ANKRD13C: variants seen among roughly 807,000 people sequenced by gnomAD.
ANKRD13C encodes ankyrin repeat domain-containing protein 13C.
A neutral mutation model predicts 65.5 loss-of-function variants in ANKRD13C; 16 were observed. The observed-to-expected ratio is 0.24, with a 90% confidence interval of 0.17 to 0.37. ANKRD13C has a LOEUF of 0.37. ANKRD13C is among the 10% of genes least tolerant of loss of function. The probability of loss-of-function intolerance (pLI) is 1.00; values close to 1 mark genes in which losing one functional copy is unlikely to be tolerated. For missense variants in ANKRD13C, 503 were observed against 655.9 expected, an observed-to-expected ratio of 0.77 and a Z score of 2.55; for synonymous variants, 235 against 238.7, an observed-to-expected ratio of 0.98 and a Z score of 0.14.
At chr1:70,335,822 GA>G (rs1682000714) in intron 2 of ANKRD13C, among the ~76,000 whole-genome samples, 3 of 150,540 alleles carry the variant, frequency 2.0e-5, no homozygotes, top group Admixed American at 6.6e-5. Flanking sequence ...CAAGTAAGGG[GA>G]AAAAAAACAT....
At chr1:70,266,249 T>G (rs1678626618) in intron 12 of ANKRD13C, among the ~76,000 whole-genome samples, 1 of 152,208 alleles carries the variant, frequency 6.6e-6, no homozygotes, top group South Asian at 2.1e-4. Context: ...ATCTAATTTT[T>G]GGGATTGGCT....
intron 1 of ANKRD13C, among the ~76,000 whole-genome samples, chr1:70,337,331 C>G (rs771783204): frequency 6.6e-6 from 1 of 152,182 alleles, no homozygotes; most frequent in Non-Finnish European, 1.5e-5. Context: ...CCTGTAATCC[C>G]AGCACTTTGG....
rs550654764 is a variant in ANKRD13C, at chr1:70,346,034, G to A, written c.430+7945C>T. On this transcript the variant is annotated intron_variant, in intron 1 of 12. Coordinates refer to ENST00000370944, the MANE Select transcript of ANKRD13C (RefSeq NM_030816.5). ...TTTAATAGAGACAGGGTCTCACTAT[G>A]TTGACCAGGGTGGTCTCGAACTCCT... 1.3e-4 allele frequency among the ~76,000 whole-genome samples: 20 copies of A among 151,528 alleles called. No homozygotes were observed. The East Asian group carries it at 3.9e-3, about 29-fold the overall frequency.
intron 1 of ANKRD13C, among the ~76,000 whole-genome samples, chr1:70,346,621 T>C (rs1160838393): frequency 6.6e-6 from 1 of 152,052 alleles, no homozygotes; most frequent in Non-Finnish European, 1.5e-5. Context: ...ATTTCTGCAT[T>C]CTCTCTCAAA....
At chr1:70,296,336 A>T in intron 7 of ANKRD13C, 75 bp from the exon 8 acceptor site, 1 of 1,416,522 alleles carries the variant, frequency 7.1e-7, no homozygotes, top group East Asian at 2.3e-5. Flanking sequence ...TGAAAATATC[A>T]ACAATTATAA....
At chr1:70,300,964 A>G in intron 6 of ANKRD13C, 56 bp from the exon 7 acceptor site, 1 of 1,539,692 alleles carries the variant, frequency 6.5e-7, no homozygotes. Context: ...ATAAAACTTC[A>G]CTAATAATTA....
intron 12 of ANKRD13C, among the ~76,000 whole-genome samples, chr1:70,268,170 T>C (rs1204547530): frequency 6.7e-6 from 1 of 150,154 alleles, no homozygotes; most frequent in African/African-American, 2.5e-5. Context: ...TACAGCTAGC[T>C]TCCCCGCCCC....
At chr1:70,309,836 GC>G (rs1329032941) in intron 5 of ANKRD13C, among the ~76,000 whole-genome samples, 5 of 151,708 alleles carry the variant, frequency 3.3e-5, no homozygotes, top group African/African-American at 1.2e-4. Flanking sequence ...GTTAAAACGT[GC>G]TATATGCATA....
chr1:70,354,195 G>T lies in ANKRD13C; in HGVS notation c.214C>A (p.Pro72Thr). 6.2e-7 allele frequency: 1 copy of T among 1,613,884 alleles called. No individual in the cohort carries two copies. Among genetic ancestry groups the T allele is most frequent in the Non-Finnish European group, 8.5e-7 (1 of 1,180,032 alleles). ...AGCGGCAGAGCCGGGGCGCCGGGGG[G>T]ATTGGAGGAGGCCGGAGCTGCCTTC... ...QLKAAPASSNPPGAPALPLHN... is the reference protein window; with the variant it reads ...QLKAAPASSNTPGAPALPLHN... The change falls in exon 1 of 13, where the codon CCC (proline) becomes ACC (threonine). Residue 72 changes from proline (P) to threonine (T), a missense_variant. Physicochemically the swap from Pro to Thr is conservative, Grantham distance 38. Coordinates refer to ENST00000370944, the MANE Select transcript of ANKRD13C (RefSeq NM_030816.5).
rs772962163 is a variant in ANKRD13C at position 70,324,889 on chromosome 1, G to A, written c.541C>T (p.Leu181=). Residue 181 remains leucine (L), a synonymous_variant, in exon 3 of 13, where the codon CTG becomes TTG. Coordinates refer to ENST00000370944, the MANE Select transcript of ANKRD13C (RefSeq NM_030816.5). ...KVKNAQGWSP[L]AEAISYGDRQ... is the part of the protein sequence containing the mutation. The stretch of plus-strand genomic sequence containing the variant: ...TCTCCATAGCTGATGGCTTCCGCCA[G>A]AGGGCTCCATCCCTGAGCATTTTTC... 3.1e-6 allele frequency: 5 copies of A among 1,611,604 alleles called. No individual in the cohort carries two copies. In the South Asian group the frequency reaches 4.4e-5, roughly 14 times the overall value.
chr1:70,275,203 A>C (rs1255593701), intron 10 of ANKRD13C, among the ~76,000 whole-genome samples: 1 of 152,252 alleles, frequency 6.6e-6, no homozygotes, highest in Non-Finnish European at 1.5e-5. Flanking sequence ...TTGATCAATA[A>C]GAAATATTGT....
At chr1:70,285,009 G>A (rs1679553914) in intron 9 of ANKRD13C, among the ~76,000 whole-genome samples, 1 of 151,936 alleles carries the variant, frequency 6.6e-6, no homozygotes, top group Non-Finnish European at 1.5e-5. Flanking sequence ...ATTACTCTCT[G>A]ATAAAATATA....
intron 3 of ANKRD13C, among the ~76,000 whole-genome samples, chr1:70,324,055 G>A (rs1427580096): frequency 6.6e-6 from 1 of 152,028 alleles, no homozygotes; most frequent in African/African-American, 2.4e-5. Context: ...ACCCAGAAGA[G>A]CCCAAAACGT....
intron 6 of ANKRD13C, 111 bp downstream of exon 6, chr1:70,306,113 T>C (rs1368988814): frequency 1.6e-6 from 1 of 617,124 alleles, no homozygotes; most frequent in Non-Finnish European, 2.6e-6. Context: ...ATTGTGACTC[T>C]GTTACAGCAT....
chr1:70,282,402 T>C (rs1248415303), intron 9 of ANKRD13C, among the ~76,000 whole-genome samples: 1 of 151,952 alleles, frequency 6.6e-6, no homozygotes, highest in African/African-American at 2.4e-5. Context: ...ATCCTAGGAA[T>C]GGCAGAGAAG....
chr1:70,283,521 G>GA (rs200281653), intron 9 of ANKRD13C, among the ~76,000 whole-genome samples: 12,342 of 151,110 alleles, frequency 0.082, 575 homozygotes, highest in South Asian at 0.22. Context: ...TTTAAATAAA[G>GA]AAAAAAAAAT....
chr1:70,342,674 A>G (rs1226455026), intron 1 of ANKRD13C, among the ~76,000 whole-genome samples: 3 of 151,972 alleles, frequency 2.0e-5, no homozygotes, highest in African/African-American at 4.8e-5. Context: ...TCACTTCTCT[A>G]TCTTTCAGGG....
intron 1 of ANKRD13C, among the ~76,000 whole-genome samples, chr1:70,352,648 A>T (rs1682797478): frequency 6.6e-6 from 1 of 152,210 alleles, no homozygotes; most frequent in South Asian, 2.1e-4. Flanking sequence ...TAGACTAATA[A>T]ACTGAAGCTA....
At chr1:70,282,561 T>A (rs1347579424) in intron 9 of ANKRD13C, among the ~76,000 whole-genome samples, 1 of 152,198 alleles carries the variant, frequency 6.6e-6, no homozygotes, top group Non-Finnish European at 1.5e-5. Flanking sequence ...ACTTACATCA[T>A]AACCAATACC....
Sources: gnomAD v4.1 joint callset for allele counts (sites outside exome capture counted in the v4.1 genomes callset) on GRCh38, gnomAD v4.1.1 for gene constraint, MANE v1.5 for transcripts, NCBI Gene and HGNC (gene_info 2026-07-23, HGNC 2026-07-21) for gene names.